RFX2: variants seen among roughly 807,000 people sequenced by gnomAD.
RFX2 encodes the protein regulatory factor X2.
In RFX2, 20 loss-of-function variants were observed where a neutral mutation model predicts 87.8. That is an observed-to-expected ratio of 0.23 (90% confidence interval 0.16 to 0.33). The LOEUF (loss-of-function observed/expected upper bound fraction) is 0.33. RFX2 is among the 10% of genes least tolerant of loss of function. The pLI is 1.00. For missense variants in RFX2, 767 were observed against 1,012.3 expected (o/e 0.76, Z 3.29); for synonymous variants, 397 against 431.3 (o/e 0.92, Z 0.98).
Position 6,010,458 on chromosome 19 carries a change from C to A in RFX2, c.900-207G>T, listed in dbSNP as rs573182996. Among the ~76,000 whole-genome samples, 2 of 152,334 alleles carry A rather than the reference C, an allele frequency of 1.3e-5. No individual in the cohort carries two copies. Among genetic ancestry groups the A allele is most frequent in the South Asian group, 4.1e-4 (2 of 4,824 alleles). On this transcript the variant is annotated intron_variant, in intron 8 of 17. Coordinates refer to ENST00000303657, the MANE Select transcript of RFX2 (RefSeq NM_000635.4). This position sits in a 1 kb window ranked among gnomAD's most constrained non-coding sequence, Gnocchi z 5.0. Reference sequence around the variant, plus strand: ...TTAAGCACATTCACTGGTTGTGCAACCCTCACCGTCGTCATCTCCAGAACT... The same window carrying A: ...TTAAGCACATTCACTGGTTGTGCAAACCTCACCGTCGTCATCTCCAGAACT...
In RFX2 at chr19:5,999,301, C is replaced by G. The variant is rs984523217; in HGVS notation, c.1860-2088G>C. 3.9e-5 allele frequency among the ~76,000 whole-genome samples: 6 copies of G among 152,124 alleles called. No homozygotes were observed. The highest frequency in any genetic ancestry group is 1.4e-4 in the African/African-American group (6 of 41,432). On this transcript the variant is annotated intron_variant, in intron 15 of 17. Coordinates refer to ENST00000303657, the MANE Select transcript of RFX2 (RefSeq NM_000635.4). The surrounding 1 kb of genome is among the most constrained non-coding windows in gnomAD (Gnocchi z 4.1). ...ATGAAGTGGAACAGTGTCTCGGTCT[C>G]CCTTGTGAAGAGCACCCCCACCTTG...
intron 5 of RFX2, among the ~76,000 whole-genome samples, chr19:6,034,282 G>A (rs1229905779): frequency 6.7e-6 from 1 of 148,872 alleles, no homozygotes; most frequent in Non-Finnish European, 1.5e-5. Flanking sequence ...AGGCTGGAGT[G>A]CAGTGGCACA....
rs958777991 is a variant in RFX2 at position 6,017,271 on chromosome 19, G to C, written c.598-1000C>G. 2.6e-5 allele frequency among the ~76,000 whole-genome samples: 4 copies of C among 152,118 alleles called. No homozygotes were observed. Among genetic ancestry groups the C allele is most frequent in the African/African-American group, 9.7e-5 (4 of 41,432 alleles). On this transcript the variant is annotated intron_variant, in intron 6 of 17. Coordinates refer to ENST00000303657, the MANE Select transcript of RFX2 (RefSeq NM_000635.4). This position sits in a 1 kb window ranked among gnomAD's most constrained non-coding sequence, Gnocchi z 4.1. ...CAAAACAAAAAGATGGGCTAAATGA[G>C]TCCCGAGCCAAGGACTATGCCTCGA... is the stretch of plus-strand genomic sequence containing the variant.
rs376685802 is a variant in RFX2 at position 6,001,790 on chromosome 19, C to A, written c.1859+25G>T. On this transcript the variant is annotated intron_variant, in intron 15 of 17. Transcript: ENST00000303657. This position sits in a 1 kb window ranked among gnomAD's most constrained non-coding sequence, Gnocchi z 5.6. ...TCAGAGCCCCCCACCCGCCAGAATT[C>A]TCTCGGAGGTCTGGTGGGACTAACC... The A allele has an allele frequency of 9.0e-6, 14 of 1,561,384 alleles. No individual in the cohort carries two copies. Among genetic ancestry groups the A allele is most frequent in the Middle Eastern group, 1.7e-4 (1 of 5,762 alleles).
rs376974220 is a variant in RFX2 at position 6,017,154 on chromosome 19, A to G, written c.598-883T>C. On this transcript the variant is annotated intron_variant, in intron 6 of 17. Coordinates refer to ENST00000303657, the MANE Select transcript of RFX2 (RefSeq NM_000635.4). This position sits in a 1 kb window ranked among gnomAD's most constrained non-coding sequence, Gnocchi z 4.1. ...TGAGGTGGGAGGATTGCTTGAGCCCAGGAGGTTGAGGCTGCAGTGAGCTAG... is the reference window on the plus strand; with the variant it reads ...TGAGGTGGGAGGATTGCTTGAGCCCGGGAGGTTGAGGCTGCAGTGAGCTAG... Among the ~76,000 whole-genome samples the G allele has an allele frequency of 1.2e-4, 19 of 152,294 alleles. No homozygotes were observed. The East Asian group carries it at 1.5e-3, about 12-fold the overall frequency.
chr19:6,098,965 C>CAA (rs34110529), intron 1 of RFX2, among the ~76,000 whole-genome samples: 872 of 52,644 alleles, frequency 0.017, 146 homozygotes, highest in African/African-American at 0.034. Context: ...GCTTGAACCA[C>CAA]AAAAAAAAAA....
chr19:6,060,087 T>G (rs546225870), intron 1 of RFX2, among the ~76,000 whole-genome samples: 96 of 152,042 alleles, frequency 6.3e-4, no homozygotes, highest in Non-Finnish European at 6.5e-4. Context: ...TTTGTCCCCC[T>G]TTTCTGACAC....
Position 6,039,130 on chromosome 19 carries a change from CA to C in RFX2, c.522+849del, listed in dbSNP as rs928735735. 3.0e-4 allele frequency among the ~76,000 whole-genome samples: 46 copies of C among 150,930 alleles called. No homozygotes were observed. The highest frequency in any genetic ancestry group is 7.9e-4 in the Admixed American group (12 of 15,170). On this transcript the variant is annotated intron_variant, in intron 5 of 17. Transcript: ENST00000303657. The surrounding 1 kb of genome is among the most constrained non-coding windows in gnomAD (Gnocchi z 5.2). The stretch of plus-strand genomic sequence containing the variant: ...AGTGTAATAGAATATTACTCAGTAA[CA>C]AAAAAAAGCAACTCGGATTCATGCA...
At chr19:6,046,772 T>A (rs894300946) in intron 2 of RFX2, among the ~76,000 whole-genome samples, 3 of 151,714 alleles carry the variant, frequency 2.0e-5, no homozygotes, top group Admixed American at 6.6e-5. Flanking sequence ...AAATTTTTTA[T>A]TTTTTATTTC....
chr19:6,008,633 C>A (rs905248931), intron 9 of RFX2, among the ~76,000 whole-genome samples: 2 of 151,550 alleles, frequency 1.3e-5, no homozygotes, highest in African/African-American at 4.9e-5. Context: ...CCTCGGCCTC[C>A]CAGAATGCTG....
chr19:6,080,476 T>C (rs1476269161), intron 1 of RFX2, among the ~76,000 whole-genome samples: 1 of 152,156 alleles, frequency 6.6e-6, no homozygotes, highest in Admixed American at 6.6e-5. Flanking sequence ...AGGTTCCAGA[T>C]ACACAAGGTT....
chr19:6,084,617 T>A (rs1311037617), intron 1 of RFX2, among the ~76,000 whole-genome samples: 4 of 148,398 alleles, frequency 2.7e-5, no homozygotes, highest in Non-Finnish European at 4.4e-5. Flanking sequence ...CACACTGGAT[T>A]TGTCCTTTTT....
At chr19:6,090,510 C>T (rs191285314) in intron 1 of RFX2, among the ~76,000 whole-genome samples, 4 of 152,052 alleles carry the variant, frequency 2.6e-5, no homozygotes, top group African/African-American at 7.3e-5. Flanking sequence ...TTCACACCTA[C>T]GAGGCTGGTT....
intron 1 of RFX2, among the ~76,000 whole-genome samples, chr19:6,088,554 C>T (rs1374672824): frequency 6.6e-6 from 1 of 151,974 alleles, no homozygotes; most frequent in Non-Finnish European, 1.5e-5. Context: ...TATAAGAAGG[C>T]AACGAAATTC....
At chr19:5,996,739 C>T (rs1310433618) in intron 16 of RFX2, among the ~76,000 whole-genome samples, 1 of 152,220 alleles carries the variant, frequency 6.6e-6, no homozygotes, top group African/African-American at 2.4e-5. Flanking sequence ...GTGGTGTGTC[C>T]GAGGCCTCCC....
At chr19:6,088,211 CTTTTTTTTTTTTT>C (rs1030226963) in intron 1 of RFX2, among the ~76,000 whole-genome samples, 7 of 84,410 alleles carry the variant, frequency 8.3e-5, no homozygotes, top group African/African-American at 2.9e-4. Flanking sequence ...GGCACTACAG[CTTTTTTTTTTTTT>C]TTTTTTTTTT....
intron 5 of RFX2, among the ~76,000 whole-genome samples, chr19:6,031,650 G>C (rs2086955610): frequency 6.6e-6 from 1 of 151,822 alleles, no homozygotes; most frequent in African/African-American, 2.4e-5. Flanking sequence ...GGCTGGTCTT[G>C]AACTCCTGAC....
In RFX2 at chr19:6,063,765, G is replaced by C. The variant is rs536643802; in HGVS notation, c.-8-16261C>G. On this transcript the variant is annotated intron_variant, in intron 1 of 17. Coordinates refer to ENST00000303657, the MANE Select transcript of RFX2 (RefSeq NM_000635.4). The surrounding 1 kb of genome is among the most constrained non-coding windows in gnomAD (Gnocchi z 4.0). ...TACACTCTGGGGTGGGGCCGTCCTG[G>C]GCACCGCAGGGTGCTGGGCAGCATC... Among the ~76,000 whole-genome samples, 1 of 152,244 alleles carries C rather than the reference G, an allele frequency of 6.6e-6. No individual in the cohort carries two copies. The highest frequency in any genetic ancestry group is 1.9e-4 in the East Asian group (1 of 5,168).
At chr19:6,009,146 A>G (rs946506952) in intron 9 of RFX2, among the ~76,000 whole-genome samples, 1 of 152,218 alleles carries the variant, frequency 6.6e-6, no homozygotes. Flanking sequence ...CTCGGGGAGA[A>G]GGCCAGCCAC....
Sources: gnomAD v4.1 joint callset for allele counts (sites outside exome capture counted in the v4.1 genomes callset) on GRCh38, gnomAD v4.1.1 for gene constraint, Gnocchi (gnomAD v3.1) non-coding constraint, MANE v1.5 for transcripts, NCBI Gene and HGNC (gene_info 2026-07-23, HGNC 2026-07-21) for gene names.